The following MTAP variants were observed in gnomAD, a reference collection of about 807,000 sequenced individuals.
MTAP encodes the protein methylthioadenosine phosphorylase.
Under a neutral mutation model 33.6 loss-of-function variants are expected in MTAP, and 33 were observed. The ratio of observed to expected loss-of-function variants is 0.98; its 90% CI spans 0.74 to 1.31. The LOEUF is 1.31. Among genes scored for constraint, MTAP ranks in the 40% most tolerant of loss-of-function variants. The pLI is 0.00. For missense variants in MTAP, 367 were observed against 360.0 expected (o/e 1.02, Z -0.16); for synonymous variants, 148 against 125.7 (o/e 1.18, Z -1.19).
intron 1 of MTAP, among the ~76,000 whole-genome samples, chr9:21,807,968 T>G (rs948016296): frequency 6.6e-6 from 1 of 152,252 alleles, no homozygotes; most frequent in Non-Finnish European, 1.5e-5. Flanking sequence ...GTTGTAGTCA[T>G]GGCATTCCAG....
intron 5 of MTAP, among the ~76,000 whole-genome samples, chr9:21,853,297 G>T (rs1402994788): frequency 6.6e-6 from 1 of 152,096 alleles, no homozygotes; most frequent in Non-Finnish European, 1.5e-5. Flanking sequence ...AACTTTAGGG[G>T]GGAAAAGGGG....
chr9:21,841,552 C>G (rs906309437), intron 5 of MTAP, among the ~76,000 whole-genome samples: 2 of 152,164 alleles, frequency 1.3e-5, no homozygotes, highest in Non-Finnish European at 2.9e-5. Flanking sequence ...TCTACCAGAG[C>G]AGGTGCTAGT....
At chr9:21,895,035 A>T (rs111238607) in intron 1 of MTAP, among the ~76,000 whole-genome samples, 37 of 152,340 alleles carry the variant, frequency 2.4e-4, no homozygotes, top group African/African-American at 8.7e-4. Flanking sequence ...GATGATACAA[A>T]CGAGTGGAAA....
In MTAP at chr9:21,863,818, A is replaced by G; in HGVS notation, c.*1804A>G. 2 of 985,866 alleles carry G rather than the reference A, an allele frequency of 2.0e-6. No individual in the cohort carries two copies. Among genetic ancestry groups the G allele is most frequent in the Non-Finnish European group, 2.4e-6 (2 of 829,928 alleles). The allele number at this position is 985,866 out of a possible 1,614,324, so 61.1% of individuals were successfully genotyped here. A position where few individuals can be genotyped will look rare whatever the true frequency, so the allele number is the denominator to read the frequency against. On this transcript the variant is annotated 3_prime_UTR_variant, in exon 8 of 8. Coordinates refer to ENST00000644715, the MANE Select transcript of MTAP (RefSeq NM_002451.4). ...TGTCTCTGAGATTGACTTCAAGATA[A>G]TAAGCTGCTAATTGTAAACAAAACA...
chr9:21,833,958 C>G (rs1026764318), intron 4 of MTAP, among the ~76,000 whole-genome samples: 1 of 152,172 alleles, frequency 6.6e-6, no homozygotes, highest in Non-Finnish European at 1.5e-5. Context: ...ATTTTTCCTG[C>G]CAGCACACAT....
At chr9:21,927,997 G>C in intron 1 of MTAP, among the ~76,000 whole-genome samples, 1 of 152,188 alleles carries the variant, frequency 6.6e-6, no homozygotes, top group South Asian at 2.1e-4. Flanking sequence ...GGGGAAATAT[G>C]TTATCTGACC....
At chr9:21,833,642 A>T (rs1040420649) in intron 4 of MTAP, among the ~76,000 whole-genome samples, 8 of 152,182 alleles carry the variant, frequency 5.3e-5, no homozygotes, top group African/African-American at 1.9e-4. Context: ...AGCAGCCGTT[A>T]TTCTGCTCTG....
intron 4 of MTAP, among the ~76,000 whole-genome samples, chr9:21,831,269 A>T (rs1396333183): frequency 6.6e-6 from 1 of 152,120 alleles, no homozygotes; most frequent in African/African-American, 2.4e-5. Flanking sequence ...TCAGTACACC[A>T]TATTTATTAT....
intron 1 of MTAP, chr9:21,930,773 T>G: frequency 1.4e-6 from 1 of 716,064 alleles, no homozygotes; most frequent in Non-Finnish European, 2.4e-6. Context: ...AATGTTGCTT[T>G]TGGGTAAATC....
intron 1 of MTAP, among the ~76,000 whole-genome samples, chr9:21,928,787 C>T (rs951880053): frequency 3.9e-5 from 6 of 151,904 alleles, no homozygotes; most frequent in Admixed American, 1.3e-4. Flanking sequence ...TTACCTTTAA[C>T]CCTCCTTCAA....
Position 21,816,697 on chromosome 9 carries a change from T to C in MTAP, c.121-17T>C, listed in dbSNP as rs1824484201. On this transcript the variant is annotated splice_polypyrimidine_tract_variant and intron_variant, in intron 2 of 7. Coordinates refer to ENST00000644715, the MANE Select transcript of MTAP (RefSeq NM_002451.4). Reference sequence around the variant, plus strand: ...TTTAAATCACTGAGTTAAATGTCATTTTTTCATTGCATGCAGCCATCTGAT... The same window carrying C: ...TTTAAATCACTGAGTTAAATGTCATCTTTTCATTGCATGCAGCCATCTGAT... The C allele has an allele frequency of 6.2e-7, 1 of 1,607,004 alleles. No homozygotes were observed. The highest frequency in any genetic ancestry group is 8.5e-7 in the Non-Finnish European group (1 of 1,177,236).
At chr9:21,850,956 A>AG (rs1825496535) in intron 5 of MTAP, among the ~76,000 whole-genome samples, 1 of 152,232 alleles carries the variant, frequency 6.6e-6, no homozygotes. Flanking sequence ...CAGGCTAAGA[A>AG]GGGAGTTACA....
chr9:21,915,768 A>G (rs1171281823), intron 1 of MTAP, among the ~76,000 whole-genome samples: 7 of 152,160 alleles, frequency 4.6e-5, no homozygotes, highest in African/African-American at 1.7e-4. Context: ...GGCAGCTCAC[A>G]TCTGTAATCC....
chr9:21,894,705 C>T (rs1818259769), intron 1 of MTAP, among the ~76,000 whole-genome samples: 1 of 151,684 alleles, frequency 6.6e-6, no homozygotes, highest in Non-Finnish European at 1.5e-5. Flanking sequence ...TGTAACAAAC[C>T]TGCACGTTGT....
In MTAP at chr9:21,802,675, C is replaced by A; in HGVS notation, c.-74C>A. ...CTCCCGCGCAGTGAGGTTGGCACAG[C>A]CACCGCTCTGTGGCTCGCTTGGTTC... On this transcript the variant is annotated 5_prime_UTR_variant, in exon 1 of 8. Transcript: ENST00000644715. 6.3e-7 allele frequency: 1 copy of A among 1,577,188 alleles called. No individual in the cohort carries two copies. The highest frequency in any genetic ancestry group is 8.7e-7 in the Non-Finnish European group (1 of 1,152,588).
chr9:21,827,625 TC>T (rs1382442376), intron 4 of MTAP, among the ~76,000 whole-genome samples: 1 of 152,230 alleles, frequency 6.6e-6, no homozygotes, highest in African/African-American at 2.4e-5. Flanking sequence ...GTGACCTGTT[TC>T]CCTCTAAGCC....
At chr9:21,887,164 C>T (rs1002954631) in intron 1 of MTAP, among the ~76,000 whole-genome samples, 31 of 151,836 alleles carry the variant, frequency 2.0e-4, no homozygotes, top group African/African-American at 6.0e-4. Flanking sequence ...ACAACGTGCC[C>T]GTTTGTTACA....
chr9:21,940,917 C>A (rs1432559814), downstream of MTAP: 12 of 747,738 alleles, frequency 1.6e-5, no homozygotes, highest in African/African-American at 1.9e-5. Context: ...TCCCCCAACC[C>A]CCAGAAGTGG....
chr9:21,852,800 C>T (rs917987344), intron 5 of MTAP, among the ~76,000 whole-genome samples: 1 of 151,360 alleles, frequency 6.6e-6, no homozygotes, highest in East Asian at 1.9e-4. Flanking sequence ...TGTACAAATA[C>T]GTGTTCCAAA....
Sources: allele counts gnomAD v4.1 joint callset (sites outside exome capture counted in the v4.1 genomes callset), GRCh38; gene constraint gnomAD v4.1.1; transcripts MANE v1.5; gene names NCBI Gene and HGNC (gene_info 2026-07-23, HGNC 2026-07-21).